The following ITGAL variants were observed in gnomAD, a reference collection of about 807,000 sequenced individuals.
ITGAL encodes the protein integrin alpha-L.
Under a neutral mutation model 138.4 loss-of-function variants are expected in ITGAL, and 68 were observed. That is an observed-to-expected ratio of 0.49 (90% CI 0.40 to 0.60). ITGAL has a LOEUF of 0.60. ITGAL is among the 20% of genes least tolerant of loss of function. ITGAL has a pLI of 0.00. For synonymous variants in ITGAL, 561 were observed against 584.3 expected (o/e 0.96, Z 0.57); for missense variants, 1,256 against 1,478.6 (o/e 0.85, Z 2.47).
chr16:30,488,885 A>AAAAC lies in ITGAL; in HGVS notation c.1007-189_1007-186dup. On this transcript the variant is annotated intron_variant, in intron 9 of 30. Transcript: ENST00000356798. ...GAGCAAGACCTTGTTTCAACAACAA[A>AAAAC]AAACAAACAAATCTGGGACTCCCAG... is the stretch of plus-strand genomic sequence containing the variant. 5.2e-6 allele frequency: 3 copies of AAAAC among 576,438 alleles called. No homozygotes were observed. In the South Asian group the frequency reaches 5.6e-5, roughly 11 times the overall value. The allele number at this position is 576,438 out of a possible 1,614,324, so 35.7% of individuals were successfully genotyped here.
chr16:30,487,142 C>CA (rs1165678423), intron 9 of ITGAL, among the ~76,000 whole-genome samples: 1,501 of 41,344 alleles, frequency 0.036, 16 homozygotes, highest in African/African-American at 0.059. Flanking sequence ...GACTCCGTCT[C>CA]AAAAAAAAAA....
chr16:30,510,176 A>G (rs1266167545), intron 21 of ITGAL, among the ~76,000 whole-genome samples, 185 bp from the exon 22 acceptor site: 4 of 152,056 alleles, frequency 2.6e-5, no homozygotes, highest in Non-Finnish European at 4.4e-5. Flanking sequence ...TACCTTACCC[A>G]GCCTTCCAGT....
chr16:30,517,329 G>A (rs747042559), intron 26 of ITGAL, among the ~76,000 whole-genome samples: 3 of 152,068 alleles, frequency 2.0e-5, no homozygotes, highest in Non-Finnish European at 2.9e-5. Context: ...ATGGTGGCCC[G>A]TGCCCGTGGT....
Position 30,517,027 on chromosome 16 carries a change from G to A in ITGAL, c.2917G>A (p.Val973Ile). The change falls in exon 26 of 31, where the codon GTT becomes ATT. Residue 973 changes from valine (V) to isoleucine (I), a missense_variant. Physicochemically the swap from Val to Ile is conservative, Grantham distance 29. Transcript: ENST00000356798. ...DHNIPTLEAV[V>I]GVPQPPSEGP... ...CAACATACCCACCCTGGAGGCTGTG[G>A]TTGGGGTGCCACAGCCTCCCAGCGA... The A allele has an allele frequency of 1.9e-6, 3 of 1,613,940 alleles. No individual in the cohort carries two copies. Among genetic ancestry groups the A allele is most frequent in the Non-Finnish European group, 2.5e-6 (3 of 1,179,896 alleles).
In ITGAL at chr16:30,506,875, C is replaced by A; in HGVS notation, c.2508+19C>A. ...GCTGAAGGTGGGTGAGAGGACAGCG[C>A]CTGCCTGCGGGCATCTGTTCGGCAG... On this transcript the variant is annotated intron_variant, in intron 21 of 30. Transcript: ENST00000356798. 1 of 1,613,150 alleles carries A rather than the reference C, an allele frequency of 6.2e-7. No homozygotes were observed. The highest frequency in any genetic ancestry group is 8.5e-7 in the Non-Finnish European group (1 of 1,179,362).
intron 24 of ITGAL, among the ~76,000 whole-genome samples, chr16:30,511,902 A>ACTTCT (rs2151202834): frequency 6.6e-6 from 1 of 152,316 alleles, no homozygotes; most frequent in Admixed American, 6.5e-5. Flanking sequence ...CAGGCAATTG[A>ACTTCT]GAAGACAGTG....
chr16:30,513,746 C>T, intron 24 of ITGAL, 25 bp from the exon 25 acceptor site: 1 of 1,595,906 alleles, frequency 6.3e-7, no homozygotes, highest in Non-Finnish European at 8.6e-7. Context: ...TTCGTTCTTC[C>T]ATCGCTGCCC....
chr16:30,487,142 CA>C (rs1165678423), intron 9 of ITGAL, among the ~76,000 whole-genome samples: 1,838 of 42,984 alleles, frequency 0.043, 7 homozygotes, highest in South Asian at 0.097. Context: ...GACTCCGTCT[CA>C]AAAAAAAAAA....
chr16:30,508,787 A>G (rs1170383515), intron 21 of ITGAL, among the ~76,000 whole-genome samples: 3 of 152,052 alleles, frequency 2.0e-5, no homozygotes, highest in Non-Finnish European at 4.4e-5. Flanking sequence ...GGAGTCCAGG[A>G]GTTTGAGGCT....
chr16:30,494,380 GGCA>G lies in ITGAL; in HGVS notation c.1365+18_1365+20del. On this transcript the variant is annotated intron_variant, in intron 12 of 30. Coordinates refer to ENST00000356798, the MANE Select transcript of ITGAL (RefSeq NM_002209.3). The surrounding 1 kb of genome is among the most constrained non-coding windows in gnomAD (Gnocchi z 4.2). ...GGGACCCAGGTGCGCCCAGTCCGAGGGCATCTGCAGACCAGGGACTGGCGGGAC... is the reference window on the plus strand; with the variant it reads ...GGGACCCAGGTGCGCCCAGTCCGAGGTCTGCAGACCAGGGACTGGCGGGAC... The G allele has an allele frequency of 6.3e-7, 1 of 1,585,728 alleles. No individual in the cohort carries two copies. Among genetic ancestry groups the G allele is most frequent in the South Asian group, 1.1e-5 (1 of 89,556 alleles).
intron 7 of ITGAL, among the ~76,000 whole-genome samples, chr16:30,482,627 G>A (rs2050576969): frequency 6.6e-6 from 1 of 152,042 alleles, no homozygotes; most frequent in Admixed American, 6.6e-5. Context: ...AACCAGGGTG[G>A]AAATCCATGA....
intron 6 of ITGAL, 71 bp from the exon 7 acceptor site, chr16:30,481,364 AAAAG>A: frequency 4.7e-6 from 5 of 1,060,266 alleles, no homozygotes; most frequent in Non-Finnish European, 6.5e-6. Context: ...AAAAAAAAAA[AAAAG>A]AAGTAGAGTT....
At chr16:30,503,151 C>CA (rs1287984910) in intron 17 of ITGAL, among the ~76,000 whole-genome samples, 3 of 152,016 alleles carry the variant, frequency 2.0e-5, no homozygotes, top group African/African-American at 7.3e-5. Flanking sequence ...ATGAATCACA[C>CA]AAAACTAGAA....
At chr16:30,519,276 G>T (rs1222855287) in intron 29 of ITGAL, among the ~76,000 whole-genome samples, 1 of 152,000 alleles carries the variant, frequency 6.6e-6, no homozygotes, top group Non-Finnish European at 1.5e-5. Context: ...TCAGTGCCTC[G>T]GGAGGCTGAG....
At chr16:30,497,345 A>G (rs2050817146) in intron 15 of ITGAL, among the ~76,000 whole-genome samples, 1 of 151,638 alleles carries the variant, frequency 6.6e-6, no homozygotes, top group Non-Finnish European at 1.5e-5. Flanking sequence ...TCCGCCTCAA[A>G]AAAAAAAAAA....
chr16:30,475,235 C>A, intron 2 of ITGAL, 71 bp from the exon 3 acceptor site: 2 of 1,087,468 alleles, frequency 1.8e-6, no homozygotes, highest in Non-Finnish European at 1.4e-6. Flanking sequence ...AGATCTGAAC[C>A]TCCTTAGCAG....
intron 4 of ITGAL, among the ~76,000 whole-genome samples, chr16:30,478,368 G>A (rs555264095): frequency 4.2e-4 from 63 of 150,356 alleles, no homozygotes; most frequent in African/African-American, 1.5e-3. Flanking sequence ...GAAAGAAAGT[G>A]GGGGGCGGAG....
Position 30,521,933 on chromosome 16 carries a change from C to T in ITGAL, c.*268C>T, listed in dbSNP as rs967018775. 1 of 425,776 alleles carries T rather than the reference C, an allele frequency of 2.3e-6. No homozygotes were observed. The highest frequency in any genetic ancestry group is 2.0e-5 in the African/African-American group (1 of 50,080). 26.4% of individuals were successfully genotyped at this position (425,776 alleles called of 1,614,324 possible). A position where few individuals can be genotyped will look rare whatever the true frequency, so the allele number is the denominator to read the frequency against. On this transcript the variant is annotated 3_prime_UTR_variant, in exon 31 of 31. Coordinates refer to ENST00000356798, the MANE Select transcript of ITGAL (RefSeq NM_002209.3). The stretch of plus-strand genomic sequence containing the variant: ...TCACCAGCCTCTCTTGGTTTCCTTC[C>T]TTGGAAGAGAATGTCTGATCTAAAT...
At chr16:30,491,950 A>C (rs1487686785) in intron 11 of ITGAL, among the ~76,000 whole-genome samples, 2 of 151,978 alleles carry the variant, frequency 1.3e-5, no homozygotes, top group Non-Finnish European at 2.9e-5. Flanking sequence ...TCCAGACTCC[A>C]TACGACAATA....
Sources: gnomAD v4.1 joint callset for allele counts (sites outside exome capture counted in the v4.1 genomes callset) on GRCh38, gnomAD v4.1.1 for gene constraint, Gnocchi (gnomAD v3.1) non-coding constraint, MANE v1.5 for transcripts, NCBI Gene and HGNC (gene_info 2026-07-23, HGNC 2026-07-21) for gene names.